ABCA12: variants seen among roughly 807,000 people sequenced by gnomAD.
The protein encoded by ABCA12 is glucosylceramide transporter ABCA12.
Under a neutral mutation model 293.5 loss-of-function variants are expected in ABCA12, and 156 were observed. The observed-to-expected ratio is 0.53, with a 90% CI of 0.47 to 0.61. The LOEUF (loss-of-function observed/expected upper bound fraction) is 0.61, where lower values mean the gene tolerates loss of function less well. ABCA12 is among the 20% of genes least tolerant of loss of function. ABCA12 has a pLI of 0.00. For missense variants in ABCA12, 2,797 were observed against 3,090.2 expected, an observed-to-expected ratio of 0.91 and a Z score of 2.25; for synonymous variants, 1,063 against 1,108.0, an observed-to-expected ratio of 0.96 and a Z score of 0.81.
chr2:214,938,577 G>A (rs143865080), intron 50 of ABCA12, among the ~76,000 whole-genome samples: 1,818 of 151,962 alleles, frequency 0.012, 43 homozygotes, highest in African/African-American at 0.04. Flanking sequence ...TTACACTTCC[G>A]CCAACAGTGT....
At chr2:214,985,691 C>CA (rs113804640) in intron 28 of ABCA12, among the ~76,000 whole-genome samples, 243 of 151,240 alleles carry the variant, frequency 1.6e-3, no homozygotes, top group African/African-American at 2.6e-3. Flanking sequence ...CTTTTATTTA[C>CA]AAAAAAAAAT....
intron 1 of ABCA12, among the ~76,000 whole-genome samples, chr2:215,112,275 CTACT>C (rs1411562309): frequency 6.6e-6 from 1 of 150,978 alleles, no homozygotes; most frequent in Admixed American, 6.6e-5. Flanking sequence ...GTCCCATATA[CTACT>C]TAATGTCTTG....
chr2:215,032,242 T>A, intron 8 of ABCA12: 1 of 525,352 alleles, frequency 1.9e-6, no homozygotes, highest in Non-Finnish European at 2.6e-6. Context: ...CCACGTGATT[T>A]GTTAATCAAA....
chr2:215,129,012 C>T (rs1376189211), intron 1 of ABCA12, among the ~76,000 whole-genome samples: 1 of 152,180 alleles, frequency 6.6e-6, no homozygotes, highest in African/African-American at 2.4e-5. Context: ...GTACTCTCCC[C>T]CTTTTCCTGT....
chr2:215,114,181 G>A (rs1702639857), intron 1 of ABCA12, among the ~76,000 whole-genome samples: 1 of 152,098 alleles, frequency 6.6e-6, no homozygotes, highest in African/African-American at 2.4e-5. Flanking sequence ...CACCATGTAG[G>A]CCAGGATGGT....
chr2:215,105,361 G>T (rs114720275), intron 2 of ABCA12, among the ~76,000 whole-genome samples: 1 of 152,054 alleles, frequency 6.6e-6, no homozygotes, highest in Non-Finnish European at 1.5e-5. Flanking sequence ...GCATCAACGT[G>T]GGAGTGAGAA....
At chr2:215,094,201 G>C (rs568039697) in intron 2 of ABCA12, among the ~76,000 whole-genome samples, 1 of 152,102 alleles carries the variant, frequency 6.6e-6, no homozygotes, top group Non-Finnish European at 1.5e-5. Context: ...TCCTCACTAC[G>C]CAAGTGTCCT....
intron 3 of ABCA12, among the ~76,000 whole-genome samples, chr2:215,060,999 C>G (rs1423964990): frequency 6.6e-6 from 1 of 152,008 alleles, no homozygotes; most frequent in African/African-American, 2.4e-5. Flanking sequence ...CAAATAATGA[C>G]CCTGTATGCT....
intron 36 of ABCA12, among the ~76,000 whole-genome samples, chr2:214,973,667 T>C (rs553184769): frequency 6.6e-5 from 10 of 152,296 alleles, no homozygotes; most frequent in African/African-American, 2.4e-4. Flanking sequence ...TAGAGCCTTC[T>C]ACTTAGTTCT....
intron 5 of ABCA12, among the ~76,000 whole-genome samples, chr2:215,050,377 A>G (rs931729054): frequency 6.6e-6 from 1 of 152,186 alleles, no homozygotes; most frequent in African/African-American, 2.4e-5. Context: ...GTGAAAATGT[A>G]TAATAGCAGG....
In ABCA12 at chr2:214,990,870, C is replaced by T. The variant is rs1249431423; in HGVS notation, c.3456G>A (p.Ser1152=). The T allele has an allele frequency of 7.4e-6, 12 of 1,613,648 alleles. No individual in the cohort carries two copies. The highest frequency in any genetic ancestry group is 2.2e-5 in the South Asian group (2 of 91,046). Residue 1152 remains serine, a synonymous_variant, in exon 24 of 53, where the codon TCG becomes TCA. Transcript: ENST00000272895. ...TGGCAATAACCGAGAAGCTGTAGTC[C>T]GAAAAATACAGGAACAAAATGAACC... The part of the protein sequence containing the change: ...TNGFILFLYF[S]DYSFSVIAMS...
intron 45 of ABCA12, among the ~76,000 whole-genome samples, chr2:214,950,552 A>G (rs1373583390): frequency 6.7e-6 from 1 of 149,204 alleles, no homozygotes; most frequent in East Asian, 2.0e-4. Context: ...TCACCCAGGC[A>G]GGAGTGCAGT....
At chr2:215,002,651 T>TA (rs1700168737) in intron 20 of ABCA12, among the ~76,000 whole-genome samples, 1 of 152,322 alleles carries the variant, frequency 6.6e-6, no homozygotes, top group East Asian at 1.9e-4. Context: ...TGAAATGTTT[T>TA]ACTTGATGTA....
At chr2:214,968,836 G>C (rs1342834032) in intron 37 of ABCA12, 29 bp from the exon 38 acceptor site, 2 of 1,593,292 alleles carry the variant, frequency 1.3e-6, no homozygotes, top group Non-Finnish European at 8.6e-7. Flanking sequence ...ATATATCTTT[G>C]GTTTAGTGGA....
intron 21 of ABCA12, 150 bp from the exon 22 acceptor site, chr2:215,001,170 T>A: frequency 1.3e-6 from 1 of 799,902 alleles, no homozygotes; most frequent in Non-Finnish European, 2.0e-6. Context: ...GAAAACATGG[T>A]TAATTGGAGG....
At chr2:214,934,642 C>G (rs1698163420) in intron 51 of ABCA12, among the ~76,000 whole-genome samples, 1 of 152,126 alleles carries the variant, frequency 6.6e-6, no homozygotes, top group Non-Finnish European at 1.5e-5. Context: ...TGGCTAAAGA[C>G]AGTAGACTTC....
chr2:215,095,589 A>AC (rs1262409728), intron 2 of ABCA12, among the ~76,000 whole-genome samples: 1 of 150,994 alleles, frequency 6.6e-6, no homozygotes, highest in Non-Finnish European at 1.5e-5. Context: ...TCTCCATACC[A>AC]CCCCCAAAAA....
intron 52 of ABCA12, among the ~76,000 whole-genome samples, chr2:214,933,104 G>A (rs2105905947): frequency 6.6e-6 from 1 of 152,216 alleles, no homozygotes; most frequent in South Asian, 2.1e-4. Flanking sequence ...CCAGCCCTGT[G>A]CCCTTATTGA....
intron 2 of ABCA12, among the ~76,000 whole-genome samples, chr2:215,101,742 A>T (rs181849684): frequency 1.0e-3 from 153 of 152,332 alleles, no homozygotes; most frequent in African/African-American, 3.5e-3. Flanking sequence ...ATCTGCATTT[A>T]AAAAATCTGA....
Sources: gnomAD v4.1 joint callset for allele counts (sites outside exome capture counted in the v4.1 genomes callset) on GRCh38, gnomAD v4.1.1 for gene constraint, MANE v1.5 for transcripts, NCBI Gene and HGNC (gene_info 2026-07-23, HGNC 2026-07-21) for gene names.